The following PNKD variants were observed in gnomAD, a reference collection of about 807,000 sequenced individuals.
The protein encoded by PNKD is probable thioesterase PNKD.
In PNKD, 36 loss-of-function variants were observed where a neutral mutation model predicts 45.3. The ratio of observed to expected loss-of-function variants is 0.80; its 90% CI spans 0.61 to 1.05. PNKD has a LOEUF of 1.05. Among genes scored for constraint, PNKD ranks in the 50% least tolerant of loss-of-function variants. The pLI is 0.00. For synonymous variants in PNKD, 197 were observed against 210.1 expected (o/e 0.94, Z 0.54); for missense variants, 511 against 506.6 (o/e 1.01, Z -0.08).
Position 218,270,607 on chromosome 2 carries a change from G to T in PNKD, c.67+5G>T. On this transcript the variant is annotated splice_donor_5th_base_variant and intron_variant, in intron 1 of 9. Transcript: ENST00000273077. ...GAAATGCCCGCGTCCTCCGGGGTAA[G>T]GAGAGGGACCCCGGGGAGGGCAGGA... is the stretch of plus-strand genomic sequence containing the variant. 1.0e-6 allele frequency: 1 copy of T among 959,600 alleles called. No individual in the cohort carries two copies. The highest frequency in any genetic ancestry group is 1.4e-6 in the Non-Finnish European group (1 of 712,126). 59.4% of individuals were successfully genotyped at this position (959,600 alleles called of 1,614,324 possible). A position where few individuals can be genotyped will look rare whatever the true frequency, so the allele number is the denominator to read the frequency against.
At position 218,340,831 on chromosome 2, in the gene PNKD, G is replaced by A. The variant is rs1269192356; in HGVS notation, c.524+45G>A. 6.4e-7 allele frequency: 1 copy of A among 1,553,850 alleles called. No homozygotes were observed. The highest frequency in any genetic ancestry group is 8.9e-7 in the Non-Finnish European group (1 of 1,125,136). Reference sequence around the variant, plus strand: ...CCTGGCCCACCCTTGTCCCAGCTGGGCTTGCCAGGACTGGGCCCATTGAGG... The same window carrying A: ...CCTGGCCCACCCTTGTCCCAGCTGGACTTGCCAGGACTGGGCCCATTGAGG... On this transcript the variant is annotated intron_variant, in intron 5 of 9. Coordinates refer to ENST00000273077, the MANE Select transcript of PNKD (RefSeq NM_015488.5). This position sits in a 1 kb window ranked among gnomAD's most constrained non-coding sequence, Gnocchi z 4.2.
At chr2:218,341,711 T>C (rs1694682490) in intron 6 of PNKD, 85 bp downstream of exon 6, 1 of 1,068,992 alleles carries the variant, frequency 9.4e-7, no homozygotes, top group Non-Finnish European at 1.4e-6. Context: ...TTCAGGGGTA[T>C]CAGCAGGTGG....
At chr2:218,277,910 C>T in intron 2 of PNKD, 1 of 1,614,100 alleles carries the variant, frequency 6.2e-7, no homozygotes, top group Non-Finnish European at 8.5e-7. Flanking sequence ...ATCTCCACAC[C>T]CTCCTGCCAC....
intron 2 of PNKD, among the ~76,000 whole-genome samples, chr2:218,307,098 A>C (rs375198376): frequency 5.0e-4 from 76 of 152,226 alleles, no homozygotes; most frequent in African/African-American, 1.8e-3. Context: ...GCAGACCTGA[A>C]GGAGAGGGTT....
At chr2:218,279,348 G>C in intron 2 of PNKD, 1 of 1,578,024 alleles carries the variant, frequency 6.3e-7, no homozygotes, top group Non-Finnish European at 8.6e-7. Flanking sequence ...AGATGATGGA[G>C]TAAACCTGGA....
intron 2 of PNKD, among the ~76,000 whole-genome samples, chr2:218,337,330 C>T (rs1323794794): frequency 1.3e-5 from 2 of 152,152 alleles, no homozygotes; most frequent in Non-Finnish European, 2.9e-5. Flanking sequence ...GCCTTGGCCT[C>T]CCAAAGTTCT....
At position 218,345,193 on chromosome 2, in the gene PNKD, G is replaced by A. The variant is rs989494170; in HGVS notation, c.*212G>A. 53 of 583,398 alleles carry A rather than the reference G, an allele frequency of 9.1e-5. No individual in the cohort carries two copies. Among genetic ancestry groups the A allele is most frequent in the African/African-American group, 6.3e-4 (34 of 53,600 alleles). 36.1% of individuals were successfully genotyped at this position (583,398 alleles called of 1,614,324 possible). ...TGTTGGAGGCTGGGAACCCCGCAGC[G>A]CGAGGCTGCCTCATCAACGGCAAGA... On this transcript the variant is annotated 3_prime_UTR_variant, in exon 10 of 10. Coordinates refer to ENST00000273077, the MANE Select transcript of PNKD (RefSeq NM_015488.5).
In PNKD at chr2:218,299,620, AT is replaced by A. The variant is rs757410351; in HGVS notation, c.236+28086del. Among the ~76,000 whole-genome samples, 819 of 135,406 alleles carry A rather than the reference AT, an allele frequency of 6.0e-3. 5 individuals are homozygous for A. The highest frequency in any genetic ancestry group is 0.012 in the African/African-American group (452 of 36,866). The allele number at this position is 135,406 out of a possible 152,430, so 88.8% of individuals were successfully genotyped here. A position where few individuals can be genotyped will look rare whatever the true frequency, so the allele number is the denominator to read the frequency against. ...CCACTGCACCTGGCTAATTTTTGTA[AT>A]TTTTTTTTTTTTTTGAGACAGAGTT... On this transcript the variant is annotated intron_variant, in intron 2 of 9. Coordinates refer to ENST00000273077, the MANE Select transcript of PNKD (RefSeq NM_015488.5).
chr2:218,270,645 C>CCT (rs1304102903), intron 1 of PNKD, 43 bp downstream of exon 1: 5 of 578,598 alleles, frequency 8.6e-6, no homozygotes, highest in Non-Finnish European at 1.3e-5. Flanking sequence ...GCAGAAGATC[C>CCT]CTTTTCTTTC....
chr2:218,323,925 C>T (rs963695906), intron 2 of PNKD, among the ~76,000 whole-genome samples: 9 of 152,202 alleles, frequency 5.9e-5, no homozygotes, highest in African/African-American at 2.2e-4. Flanking sequence ...AACTCCTCAC[C>T]AGTCAAGTTA....
In PNKD at chr2:218,340,852, T is replaced by C. The variant is rs748822954; in HGVS notation, c.524+66T>C. 5.6e-5 allele frequency: 76 copies of C among 1,356,268 alleles called. 1 individual carries two copies. The Middle Eastern group carries it at 7.1e-4, about 13-fold the overall frequency. The allele number at this position is 1,356,268 out of a possible 1,614,324, so 84.0% of individuals were successfully genotyped here. ...CTGGGCTTGCCAGGACTGGGCCCAT[T>C]GAGGACGGCCGGGGCCAGAGATCAA... On this transcript the variant is annotated intron_variant, in intron 5 of 9. Transcript: ENST00000273077. This position sits in a 1 kb window ranked among gnomAD's most constrained non-coding sequence, Gnocchi z 4.2.
intron 2 of PNKD, among the ~76,000 whole-genome samples, chr2:218,337,220 G>C (rs558489910): frequency 6.6e-6 from 1 of 151,850 alleles, no homozygotes. Context: ...GATTACAGGC[G>C]CCTGCCACCA....
intron 2 of PNKD, chr2:218,327,248 CT>C (rs1413071332): frequency 1.3e-4 from 20 of 152,368 alleles, no homozygotes; most frequent in Admixed American, 7.8e-4. Flanking sequence ...GCAACCCCCC[CT>C]GGGACGGACC....
chr2:218,321,914 G>A (rs1693996006), intron 2 of PNKD, among the ~76,000 whole-genome samples: 1 of 143,934 alleles, frequency 6.9e-6, no homozygotes, highest in Admixed American at 7.1e-5. Flanking sequence ...GTGAGCCACC[G>A]CTCCCGGCCG....
At chr2:218,331,862 C>T (rs557860078) in intron 2 of PNKD, among the ~76,000 whole-genome samples, 1 of 152,308 alleles carries the variant, frequency 6.6e-6, no homozygotes, top group South Asian at 2.1e-4. Context: ...AATGTTGAAA[C>T]CTGTTGCTCT....
chr2:218,278,931 G>A, intron 2 of PNKD: 1 of 1,312,852 alleles, frequency 7.6e-7, no homozygotes, highest in Non-Finnish European at 1.1e-6. Flanking sequence ...CAACTTGGGG[G>A]CCCTCTCAAA....
chr2:218,324,252 A>G lies in PNKD; in HGVS notation c.237-15531A>G, dbSNP rs184354215. On this transcript the variant is annotated intron_variant, in intron 2 of 9. Transcript: ENST00000273077. ...TCCCCTTCCTACTACCAGCCTGGCC[A>G]TGGGTCAGGACCTCAAGCCCCAGTT... is the stretch of plus-strand genomic sequence containing the variant. 3.4e-3 allele frequency among the ~76,000 whole-genome samples: 517 copies of G among 152,294 alleles called. 3 individuals carry two copies. Among genetic ancestry groups the G allele is most frequent in the African/African-American group, 0.012 (481 of 41,560 alleles).
At chr2:218,307,838 G>A (rs996705672) in intron 2 of PNKD, among the ~76,000 whole-genome samples, 1 of 152,096 alleles carries the variant, frequency 6.6e-6, no homozygotes, top group African/African-American at 2.4e-5. Context: ...TGGCAGGGAA[G>A]GCAGAGGAAA....
chr2:218,291,934 C>T (rs1559512430), intron 2 of PNKD, among the ~76,000 whole-genome samples: 1 of 152,066 alleles, frequency 6.6e-6, no homozygotes, highest in Non-Finnish European at 1.5e-5. Flanking sequence ...CAGCTGCAAG[C>T]TAGGACCCCC....
Sources: gnomAD v4.1 joint callset for allele counts (sites outside exome capture counted in the v4.1 genomes callset) on GRCh38, gnomAD v4.1.1 for gene constraint, Gnocchi (gnomAD v3.1) non-coding constraint, MANE v1.5 for transcripts, NCBI Gene and HGNC (gene_info 2026-07-23, HGNC 2026-07-21) for gene names.